The following NUBPL variants were observed in gnomAD, a reference collection of about 807,000 sequenced individuals.
The protein encoded by NUBPL is NUBP iron-sulfur cluster assembly factor, mitochondrial.
Under a neutral mutation model 45.7 loss-of-function variants are expected in NUBPL, and 31 were observed. The ratio of observed to expected loss-of-function variants is 0.68; its 90% CI spans 0.51 to 0.92. NUBPL has a LOEUF of 0.92. NUBPL is among the 40% of genes least tolerant of loss of function. The pLI is 0.00. For synonymous variants in NUBPL, 144 were observed against 140.9 expected (o/e 1.02, Z -0.15); for missense variants, 401 against 398.7 (o/e 1.01, Z -0.05).
rs2039235493 is a variant in NUBPL at position 31,783,745 on chromosome 14, T to C, written c.514-4035T>C. ...GTTGGCTAGGCTGGTCTCAAACTCC[T>C]GACCTCAAGTGATACGTGTGCCTTG... On this transcript the variant is annotated intron_variant, in intron 6 of 10. Coordinates refer to ENST00000281081, the MANE Select transcript of NUBPL (RefSeq NM_025152.3). 2.6e-5 allele frequency among the ~76,000 whole-genome samples: 4 copies of C among 152,212 alleles called. No individual in the cohort carries two copies. The South Asian group carries it at 8.3e-4, about 32-fold the overall frequency.
At chr14:31,674,821 T>C (rs1182413669) in intron 6 of NUBPL, among the ~76,000 whole-genome samples, 4 of 152,188 alleles carry the variant, frequency 2.6e-5, no homozygotes, top group Admixed American at 6.5e-5. Context: ...ACAAGCTCTC[T>C]GACACATAAA....
At chr14:31,717,660 A>G (rs2037718905) in intron 6 of NUBPL, among the ~76,000 whole-genome samples, 1 of 152,184 alleles carries the variant, frequency 6.6e-6, no homozygotes, top group Admixed American at 6.5e-5. Flanking sequence ...CCTTAAAAAG[A>G]AACACCACTA....
At chr14:31,722,151 C>T (rs978635306) in intron 6 of NUBPL, among the ~76,000 whole-genome samples, 13 of 152,096 alleles carry the variant, frequency 8.5e-5, no homozygotes, top group Admixed American at 6.6e-5. Flanking sequence ...TGCCTGCCAC[C>T]ATGCCCAGCT....
chr14:31,667,328 C>T (rs919518619), intron 4 of NUBPL, among the ~76,000 whole-genome samples: 12 of 151,696 alleles, frequency 7.9e-5, no homozygotes, highest in Admixed American at 3.9e-4. Flanking sequence ...TCCTTTCTTC[C>T]GCTTGATCAA....
At chr14:31,822,208 A>C (rs1320161364) in intron 7 of NUBPL, among the ~76,000 whole-genome samples, 1 of 152,208 alleles carries the variant, frequency 6.6e-6, no homozygotes, top group Non-Finnish European at 1.5e-5. Flanking sequence ...GTTATAACAC[A>C]AAAGATGAAT....
chr14:31,806,573 G>T (rs1462253055), intron 7 of NUBPL, among the ~76,000 whole-genome samples: 1 of 151,814 alleles, frequency 6.6e-6, no homozygotes, highest in African/African-American at 2.4e-5. Flanking sequence ...AAATACAAGG[G>T]TTTTATCTTT....
At position 31,701,978 on chromosome 14, in the gene NUBPL, C is replaced by T. The variant is rs557873499; in HGVS notation, c.513+28404C>T. Among the ~76,000 whole-genome samples the T allele has an allele frequency of 9.2e-5, 14 of 152,266 alleles. No individual in the cohort carries two copies. In the South Asian group the frequency reaches 1.0e-3, roughly 11 times the overall value. On this transcript the variant is annotated intron_variant, in intron 6 of 10. Transcript: ENST00000281081. The stretch of plus-strand genomic sequence containing the variant: ...AAATAATGGTGTTAAAGAGCATAGT[C>T]CCCATGAGACTGCCCTTACTTTTGA...
chr14:31,816,496 A>AT (rs753160044), intron 7 of NUBPL, among the ~76,000 whole-genome samples: 4 of 151,762 alleles, frequency 2.6e-5, no homozygotes, highest in Non-Finnish European at 5.9e-5. Context: ...AGATTCATGG[A>AT]TTTTTTGAGG....
intron 8 of NUBPL, among the ~76,000 whole-genome samples, chr14:31,829,187 TA>T (rs1278186209): frequency 1.3e-5 from 2 of 152,186 alleles, no homozygotes; most frequent in Non-Finnish European, 2.9e-5. Context: ...TGGAACTGTG[TA>T]ATTCTTCCAA....
At chr14:31,748,699 G>T (rs1255871925) in intron 6 of NUBPL, among the ~76,000 whole-genome samples, 2 of 151,998 alleles carry the variant, frequency 1.3e-5, no homozygotes, top group African/African-American at 4.8e-5. Context: ...TGCAACCTCT[G>T]CCTCCCGGGT....
chr14:31,793,991 T>C (rs2039437323), intron 7 of NUBPL, among the ~76,000 whole-genome samples: 1 of 101,354 alleles, frequency 9.9e-6, no homozygotes, highest in African/African-American at 4.0e-5. Context: ...TTTGGTTTTT[T>C]GTTCTTGCGA....
chr14:31,579,253 C>A (rs2033800226), intron 3 of NUBPL, among the ~76,000 whole-genome samples: 1 of 152,110 alleles, frequency 6.6e-6, no homozygotes, highest in South Asian at 2.1e-4. Context: ...TAAAGGATGA[C>A]CAATGCGTCT....
intron 7 of NUBPL, among the ~76,000 whole-genome samples, chr14:31,808,006 T>A (rs1036243828): frequency 6.6e-6 from 1 of 152,244 alleles, no homozygotes; most frequent in East Asian, 1.9e-4. Flanking sequence ...ACCAGTACCA[T>A]GCTGTGTTGG....
At chr14:31,768,133 A>T (rs184173923) in intron 6 of NUBPL, among the ~76,000 whole-genome samples, 105 of 152,332 alleles carry the variant, frequency 6.9e-4, no homozygotes, top group South Asian at 5.0e-3. Flanking sequence ...TGTATTTTGG[A>T]GACCCATCTT....
chr14:31,798,482 A>C (rs1256737597), intron 7 of NUBPL, among the ~76,000 whole-genome samples: 1 of 151,886 alleles, frequency 6.6e-6, no homozygotes, highest in East Asian at 1.9e-4. Context: ...GTTCCATTGT[A>C]ATACAGTAAT....
At chr14:31,754,572 A>G (rs891712379) in intron 6 of NUBPL, among the ~76,000 whole-genome samples, 1 of 148,630 alleles carries the variant, frequency 6.7e-6, no homozygotes, top group Non-Finnish European at 1.5e-5. Context: ...TTTTAAATTG[A>G]TAATGTCAAG....
At chr14:31,780,410 A>T (rs1420260893) in intron 6 of NUBPL, among the ~76,000 whole-genome samples, 1 of 152,108 alleles carries the variant, frequency 6.6e-6, no homozygotes, top group African/African-American at 2.4e-5. Flanking sequence ...ACATAAAAAT[A>T]AGAATACTCA....
At chr14:31,691,984 C>A (rs1407255301) in intron 6 of NUBPL, among the ~76,000 whole-genome samples, 3 of 152,116 alleles carry the variant, frequency 2.0e-5, no homozygotes, top group Admixed American at 1.3e-4. Flanking sequence ...GGTGTATGTT[C>A]ATGAATGCAT....
At chr14:31,731,913 G>A (rs1325886967) in intron 6 of NUBPL, among the ~76,000 whole-genome samples, 1 of 151,988 alleles carries the variant, frequency 6.6e-6, no homozygotes, top group Non-Finnish European at 1.5e-5. Context: ...TTTGAAAAGG[G>A]AACTGGAGGC....
Sources: gnomAD v4.1 joint callset for allele counts (sites outside exome capture counted in the v4.1 genomes callset) on GRCh38, gnomAD v4.1.1 for gene constraint, MANE v1.5 for transcripts, NCBI Gene and HGNC (gene_info 2026-07-23, HGNC 2026-07-21) for gene names.